Variants in VPS54 observed in about 807,000 individuals in gnomAD.
VPS54 encodes VPS54 subunit of GARP complex, also known as vacuolar protein sorting-associated protein 54.
In VPS54, 45 loss-of-function variants were observed where a neutral mutation model predicts 121.5. The ratio of observed to expected loss-of-function variants is 0.37; its 90% CI spans 0.29 to 0.47. The LOEUF is 0.47. Ranked by LOEUF, VPS54 falls within the 20% of genes least tolerant of loss-of-function variation. The pLI, the probability that VPS54 is intolerant of heterozygous loss-of-function variation, is 0.99. For missense variants in VPS54, 1,090 were observed against 1,131.4 expected (o/e 0.96, Z 0.52); for synonymous variants, 371 against 385.8 (o/e 0.96, Z 0.45).
At position 63,893,355 on chromosome 2, in the gene VPS54, T is replaced by C. The variant is rs763929988; in HGVS notation, c.*75A>G. On this transcript the variant is annotated 3_prime_UTR_variant, in exon 23 of 23. Transcript: ENST00000272322. ...TTGGGTTTCAGGTTCAATTCTCGAA[T>C]CACAGGCATCCAGATTTTCTTCATA... The C allele has an allele frequency of 1.5e-6, 2 of 1,293,692 alleles. No individual in the cohort carries two copies. The highest frequency in any genetic ancestry group is 2.4e-5 in the South Asian group (2 of 84,568). The allele number at this position is 1,293,692 out of a possible 1,614,324, so 80.1% of individuals were successfully genotyped here. A position where few individuals can be genotyped will look rare whatever the true frequency, so the allele number is the denominator to read the frequency against.
At chr2:63,915,529 T>G (rs1435338634) in intron 16 of VPS54, among the ~76,000 whole-genome samples, 1 of 152,226 alleles carries the variant, frequency 6.6e-6, no homozygotes, top group Non-Finnish European at 1.5e-5. Flanking sequence ...GTTGTAATAG[T>G]TCCCCTTTAG....
chr2:63,990,757 G>A lies in VPS54; in HGVS notation c.-20-6738C>T, dbSNP rs180696110. 8.8e-3 allele frequency among the ~76,000 whole-genome samples: 1,340 copies of A among 152,296 alleles called. 6 individuals carry two copies. The highest frequency in any genetic ancestry group is 0.014 in the Admixed American group (221 of 15,308). On this transcript the variant is annotated intron_variant, in intron 1 of 22. Transcript: ENST00000272322. ...ACAAAGAAACAAGTGGATTAGACAC[G>A]TGGGCTTACCCAGTCACACTAGAAC...
chr2:64,006,187 T>C (rs557296112), intron 1 of VPS54, among the ~76,000 whole-genome samples: 1 of 152,218 alleles, frequency 6.6e-6, no homozygotes, highest in Non-Finnish European at 1.5e-5. Flanking sequence ...ATAAACTGCA[T>C]GACTATTCAA....
intron 3 of VPS54, among the ~76,000 whole-genome samples, chr2:63,980,389 A>T (rs1212616502): frequency 2.0e-5 from 3 of 152,030 alleles, no homozygotes; most frequent in African/African-American, 4.8e-5. Context: ...CAGATCTCAC[A>T]ATCTCTGCCT....
intron 1 of VPS54, among the ~76,000 whole-genome samples, chr2:63,994,712 G>C (rs1343909538): frequency 6.6e-6 from 1 of 152,166 alleles, no homozygotes; most frequent in Admixed American, 6.5e-5. Context: ...GGGGAGTAAT[G>C]GGAGATATCC....
chr2:63,961,919 A>T, intron 7 of VPS54, 139 bp downstream of exon 7: 1 of 928,008 alleles, frequency 1.1e-6, no homozygotes, highest in Non-Finnish European at 1.5e-6. Flanking sequence ...TCAGAATAAC[A>T]TTATTAAACA....
chr2:63,964,575 G>A (rs1012622514), intron 6 of VPS54, among the ~76,000 whole-genome samples: 1 of 152,036 alleles, frequency 6.6e-6, no homozygotes, highest in Admixed American at 6.6e-5. Flanking sequence ...CATGGTTTTC[G>A]TCAGATTTAT....
At chr2:63,938,963 A>G (rs1192361113) in intron 11 of VPS54, among the ~76,000 whole-genome samples, 1 of 152,252 alleles carries the variant, frequency 6.6e-6, no homozygotes, top group Non-Finnish European at 1.5e-5. Context: ...AAAAATACAA[A>G]TAACAGCAAC....
intron 1 of VPS54, among the ~76,000 whole-genome samples, chr2:64,001,763 T>C (rs917880568): frequency 2.0e-5 from 3 of 151,900 alleles, no homozygotes; most frequent in African/African-American, 7.3e-5. Context: ...TTACTCTTCC[T>C]TCTCCTCTCC....
At chr2:63,960,465 T>C (rs977267345) in intron 7 of VPS54, among the ~76,000 whole-genome samples, 2 of 152,216 alleles carry the variant, frequency 1.3e-5, no homozygotes, top group African/African-American at 4.8e-5. Flanking sequence ...TTCATGAGTA[T>C]TGACCATAAA....
intron 7 of VPS54, among the ~76,000 whole-genome samples, chr2:63,953,075 C>G (rs1340440545): frequency 6.6e-6 from 1 of 151,492 alleles, no homozygotes; most frequent in Non-Finnish European, 1.5e-5. Context: ...ATTATTTCCC[C>G]TCTAGAAGCC....
intron 9 of VPS54, among the ~76,000 whole-genome samples, chr2:63,946,142 T>C (rs1038738713): frequency 6.6e-6 from 1 of 152,148 alleles, no homozygotes; most frequent in East Asian, 1.9e-4. Flanking sequence ...AATCATACAA[T>C]GTATACTTTT....
chr2:63,970,864 G>A (rs901159079), intron 4 of VPS54, among the ~76,000 whole-genome samples: 4 of 151,298 alleles, frequency 2.6e-5, no homozygotes, highest in Admixed American at 6.6e-5. Flanking sequence ...CTCACCCAAC[G>A]TCCTTGGATT....
At chr2:63,951,748 GTGGT>G (rs1377544789) in intron 7 of VPS54, among the ~76,000 whole-genome samples, 2 of 152,060 alleles carry the variant, frequency 1.3e-5, no homozygotes, top group Non-Finnish European at 2.9e-5. Context: ...TCTAGGCTAT[GTGGT>G]AAGTTTTTTC....
At chr2:63,969,201 T>C (rs899498984) in intron 4 of VPS54, among the ~76,000 whole-genome samples, 11 of 152,100 alleles carry the variant, frequency 7.2e-5, no homozygotes, top group South Asian at 4.2e-4. Context: ...TGTAATCAAT[T>C]ATATAGCAGC....
chr2:63,920,865 T>C (rs11691987), intron 13 of VPS54, among the ~76,000 whole-genome samples: 26,210 of 152,070 alleles, frequency 0.17, 2,396 homozygotes, highest in Middle Eastern at 0.21. Flanking sequence ...TTTCACAATG[T>C]TGGAGTTTTA....
chr2:64,011,524 C>T lies in VPS54; in HGVS notation c.-21+7414G>A, dbSNP rs146928610. 7.1e-3 allele frequency among the ~76,000 whole-genome samples: 1,086 copies of T among 152,190 alleles called. 7 individuals are homozygous for T. The highest frequency in any genetic ancestry group is 0.023 in the South Asian group (111 of 4,816). The stretch of plus-strand genomic sequence containing the variant: ...GAGGTTGCAGTGAGCCGTGATTATA[C>T]CACTGCACTCCAGCTTAGCAACAGA... On this transcript the variant is annotated intron_variant, in intron 1 of 22. Transcript: ENST00000272322.
At chr2:63,940,396 T>C (rs1674663561) in intron 11 of VPS54, among the ~76,000 whole-genome samples, 1 of 152,194 alleles carries the variant, frequency 6.6e-6, no homozygotes, top group South Asian at 2.1e-4. Context: ...AATGAGAAAT[T>C]ACAACTATAA....
At chr2:63,982,569 A>G (rs937432522) in intron 2 of VPS54, among the ~76,000 whole-genome samples, 2 of 152,238 alleles carry the variant, frequency 1.3e-5, no homozygotes, top group Non-Finnish European at 2.9e-5. Flanking sequence ...AAGACGCCTT[A>G]TTCAGTATAC....
Sources: gnomAD v4.1 joint callset for allele counts (sites outside exome capture counted in the v4.1 genomes callset) on GRCh38, gnomAD v4.1.1 for gene constraint, MANE v1.5 for transcripts, NCBI Gene and HGNC (gene_info 2026-07-23, HGNC 2026-07-21) for gene names.